The following ZFHX3 variants were observed in gnomAD, a reference collection of about 807,000 sequenced individuals.
The protein encoded by ZFHX3 is zinc finger homeobox 3, also known as zinc finger homeobox protein 3.
ZFHX3 carries 42 observed loss-of-function variants against 279.1 expected under a neutral mutation model. The observed-to-expected ratio is 0.15, with a 90% confidence interval of 0.12 to 0.19. The LOEUF (loss-of-function observed/expected upper bound fraction) is 0.19, where lower values mean the gene tolerates loss of function less well. Among genes scored for constraint, ZFHX3 ranks in the 10% least tolerant of loss-of-function variants. The pLI is 1.00. For missense variants in ZFHX3, 4,981 were observed against 4,754.0 expected (o/e 1.05, Z -1.40); for synonymous variants, 2,293 against 1,957.8 (o/e 1.17, Z -4.52).
chr16:73,541,786 CT>C lies in ZFHX3; in HGVS notation c.-1546-85529del, dbSNP rs546761843. Among the ~76,000 whole-genome samples, 361 of 88,066 alleles carry C rather than the reference CT, an allele frequency of 4.1e-3. 1 individual carries two copies. Among genetic ancestry groups the C allele is most frequent in the African/African-American group, 0.012 (300 of 24,358 alleles). The allele number at this position is 88,066 out of a possible 152,430, so 57.8% of individuals were successfully genotyped here. A position where few individuals can be genotyped will look rare whatever the true frequency, so the allele number is the denominator to read the frequency against. Reference sequence around the variant, plus strand: ...TCCTGCCCTCCTGTTTGGTGGTTCTCTTTTTTTTTTTTTTTTTTTTTTTTTT... The same window carrying C: ...TCCTGCCCTCCTGTTTGGTGGTTCTCTTTTTTTTTTTTTTTTTTTTTTTTT... On this transcript the variant is annotated intron_variant, in intron 2 of 17. Transcript: ENST00000641206.
chr16:73,570,415 C>T (rs1013298687), intron 2 of ZFHX3, among the ~76,000 whole-genome samples: 10 of 152,168 alleles, frequency 6.6e-5, no homozygotes, highest in African/African-American at 9.7e-5. Flanking sequence ...ATAATTAAGA[C>T]TAAAATGCTT....
chr16:73,334,810 C>CCTTTTTTTTTTTTTTTTTTTTTTTTT (rs1555510772), intron 3 of ZFHX3, among the ~76,000 whole-genome samples: 2 of 57,858 alleles, frequency 3.5e-5, no homozygotes, highest in East Asian at 4.1e-4. Context: ...CTTTCTCATT[C>CCTTTTTTTTTTTTTTTTTTTTTTTTT]TTTTTTTTTT....
chr16:73,555,657 C>T (rs181990774), intron 2 of ZFHX3, among the ~76,000 whole-genome samples: 34 of 151,442 alleles, frequency 2.2e-4, no homozygotes, highest in African/African-American at 7.5e-4. Context: ...ATGGTGAAAC[C>T]CCATCTCTAC....
At chr16:72,798,875 C>T (rs1410162932) in intron 8 of ZFHX3, among the ~76,000 whole-genome samples, 161 bp from the exon 9 acceptor site, 1 of 152,216 alleles carries the variant, frequency 6.6e-6, no homozygotes, top group East Asian at 1.9e-4. Context: ...GCGCCTCCTG[C>T]TTTCTTTTGT....
chr16:73,197,098 C>G (rs934744218), intron 5 of ZFHX3, among the ~76,000 whole-genome samples: 1 of 152,024 alleles, frequency 6.6e-6, no homozygotes, highest in Non-Finnish European at 1.5e-5. Context: ...GTTAAACAAT[C>G]CCCCCCTTCA....
intron 1 of ZFHX3, among the ~76,000 whole-genome samples, chr16:73,780,052 A>C (rs971230643): frequency 7.3e-6 from 1 of 137,784 alleles, no homozygotes; most frequent in African/African-American, 2.6e-5. Context: ...GTCATGACTG[A>C]GATAGCTTCT....
chr16:73,047,215 C>T (rs890076459), intron 1 of ZFHX3, among the ~76,000 whole-genome samples: 11 of 152,198 alleles, frequency 7.2e-5, no homozygotes, highest in African/African-American at 2.7e-4. Flanking sequence ...TTTGCATCAG[C>T]TCCCCACCCC....
chr16:73,129,128 G>A (rs112236291), intron 7 of ZFHX3, among the ~76,000 whole-genome samples: 5 of 152,262 alleles, frequency 3.3e-5, no homozygotes, highest in African/African-American at 4.8e-5. Flanking sequence ...GGGCACACCT[G>A]TAATTCCAGC....
Position 73,153,803 on chromosome 16 carries a change from C to T in ZFHX3, c.-1103-9972G>A, listed in dbSNP as rs540981513. Among the ~76,000 whole-genome samples the T allele has an allele frequency of 7.2e-5, 11 of 152,200 alleles. No homozygotes were observed. In the South Asian group the frequency reaches 2.1e-3, roughly 29 times the overall value. On this transcript the variant is annotated intron_variant, in intron 5 of 17. Transcript: ENST00000641206. ...TAGCTGGGACTAAAGGCGCACACCA[C>T]TACACCCAGCTAATTTTTGTATTTT...
chr16:72,812,370 G>C (rs1158163990), intron 5 of ZFHX3, among the ~76,000 whole-genome samples: 3 of 152,126 alleles, frequency 2.0e-5, no homozygotes, highest in Non-Finnish European at 4.4e-5. Context: ...TGGCTTGTGG[G>C]GGGCAGTAGG....
intron 4 of ZFHX3, among the ~76,000 whole-genome samples, chr16:73,275,928 T>C (rs983863711): frequency 7.2e-5 from 11 of 152,120 alleles, no homozygotes; most frequent in Non-Finnish European, 1.3e-4. Context: ...CTTTATTCTA[T>C]GGACCGTATC....
intron 1 of ZFHX3, among the ~76,000 whole-genome samples, chr16:73,749,159 T>C (rs576277601): frequency 6.6e-6 from 1 of 152,280 alleles, no homozygotes; most frequent in Admixed American, 6.5e-5. Flanking sequence ...ATTGGACCAC[T>C]TCCCACATGC....
intron 3 of ZFHX3, among the ~76,000 whole-genome samples, chr16:72,892,303 A>C (rs1311379874): frequency 6.6e-6 from 1 of 152,198 alleles, no homozygotes; most frequent in Non-Finnish European, 1.5e-5. Flanking sequence ...CACAGGCACC[A>C]AGAAAGAACA....
intron 1 of ZFHX3, chr16:73,014,518 CTTTTTTTTTTTTTTTT>C (rs1000108439): frequency 1.6e-5 from 1 of 63,406 alleles, no homozygotes; most frequent in Non-Finnish European, 2.9e-5. Flanking sequence ...ATTTCTTCTT[CTTTTTTTTTTTTTTTT>C]TTTTTTTTTT....
chr16:73,748,691 T>C lies in ZFHX3; in HGVS notation c.-1607-68451A>G, dbSNP rs1157663883. Among the ~76,000 whole-genome samples the C allele has an allele frequency of 2.0e-5, 3 of 152,222 alleles. No individual in the cohort carries two copies. In the East Asian group the frequency reaches 5.8e-4, roughly 29 times the overall value. The stretch of plus-strand genomic sequence containing the variant: ...CTTTTCTAAAATCAGATTATATCAC[T>C]GTCTCATTGAAGAGCCCTTGGTCTT... On this transcript the variant is annotated intron_variant, in intron 1 of 17. Transcript: ENST00000641206.
At chr16:73,464,074 G>A (rs562826931) in intron 2 of ZFHX3, among the ~76,000 whole-genome samples, 1 of 152,092 alleles carries the variant, frequency 6.6e-6, no homozygotes, top group Non-Finnish European at 1.5e-5. Flanking sequence ...GTGTATTTCT[G>A]TATTTTTTTT....
chr16:73,261,670 T>TGATTG (rs1567433528), intron 4 of ZFHX3, among the ~76,000 whole-genome samples: 1 of 56,068 alleles, frequency 1.8e-5, no homozygotes, highest in African/African-American at 5.2e-5. Context: ...CTGTGATTGT[T>TGATTG]TTTTTTTTTT....
rs1225863249 is a variant in ZFHX3, at chr16:73,688,333, G to T, written c.-1607-8093C>A. On this transcript the variant is annotated intron_variant, in intron 1 of 17. Transcript: ENST00000641206. ...GATCACACTGCTGCACTCCAGCCTGGGTGACAGAGTGAGACTCCATCTCAA... is the reference window on the plus strand; with the variant it reads ...GATCACACTGCTGCACTCCAGCCTGTGTGACAGAGTGAGACTCCATCTCAA... Among the ~76,000 whole-genome samples the T allele has an allele frequency of 4.2e-5, 6 of 144,056 alleles. No individual in the cohort carries two copies. In the Admixed American group the frequency reaches 4.4e-4, roughly 11 times the overall value. 94.5% of individuals were successfully genotyped at this position (144,056 alleles called of 152,430 possible).
chr16:73,469,218 T>A (rs2018621320), intron 2 of ZFHX3, among the ~76,000 whole-genome samples: 1 of 151,948 alleles, frequency 6.6e-6, no homozygotes, highest in Non-Finnish European at 1.5e-5. Context: ...AGACAAGGGA[T>A]CTCACCTGGA....
Sources: allele counts gnomAD v4.1 joint callset (sites outside exome capture counted in the v4.1 genomes callset), GRCh38; gene constraint gnomAD v4.1.1; transcripts MANE v1.5; gene names NCBI Gene and HGNC (gene_info 2026-07-23, HGNC 2026-07-21).